Variants in NOVA1 observed in about 807,000 individuals in gnomAD.
NOVA1 encodes RNA-binding protein Nova-1.
Under a neutral mutation model 38.0 loss-of-function variants are expected in NOVA1, and 7 were observed. That is an observed-to-expected ratio of 0.18 (90% CI 0.10 to 0.35). The LOEUF (loss-of-function observed/expected upper bound fraction) is 0.35, where lower values mean the gene tolerates loss of function less well. NOVA1 is among the 10% of genes least tolerant of loss of function. The pLI, the probability that NOVA1 is intolerant of heterozygous loss-of-function variation, is 1.00. For synonymous variants in NOVA1, 270 were observed against 232.5 expected, an observed-to-expected ratio of 1.16 and a Z score of -1.47; for missense variants, 460 against 616.0, an observed-to-expected ratio of 0.75 and a Z score of 2.68.
At chr14:26,458,889 T>C (rs1481812068) in intron 4 of NOVA1, among the ~76,000 whole-genome samples, 1 of 152,126 alleles carries the variant, frequency 6.6e-6, no homozygotes, top group African/African-American at 2.4e-5. Context: ...AACATGTTAG[T>C]GTTTTAAGCT....
In NOVA1 at chr14:26,498,756, T is replaced by C. The variant is rs377394784; in HGVS notation, c.281-18613A>G. Among the ~76,000 whole-genome samples, 6 of 152,328 alleles carry C rather than the reference T, an allele frequency of 3.9e-5. No individual in the cohort carries two copies. The East Asian group carries it at 5.8e-4, about 15-fold the overall frequency. ...AGACCTACAAAAGTGTACTGAAGCA[T>C]TGGTTCTGAGAATATTAAAGAACAT... On this transcript the variant is annotated intron_variant, in intron 2 of 4. Transcript: ENST00000539517.
At chr14:26,524,594 T>C (rs1046518096) in intron 2 of NOVA1, among the ~76,000 whole-genome samples, 2 of 152,192 alleles carry the variant, frequency 1.3e-5, no homozygotes, top group Non-Finnish European at 2.9e-5. Flanking sequence ...CAACATGACC[T>C]AGCAGTCTAT....
intron 2 of NOVA1, among the ~76,000 whole-genome samples, chr14:26,532,666 A>G (rs953041375): frequency 5.9e-5 from 9 of 152,160 alleles, no homozygotes; most frequent in African/African-American, 2.2e-4. Context: ...GATGTATGTA[A>G]TGGGCAGATA....
At chr14:26,512,811 C>T (rs60739386) in intron 2 of NOVA1, among the ~76,000 whole-genome samples, 251 of 140,526 alleles carry the variant, frequency 1.8e-3, no homozygotes, top group African/African-American at 5.8e-3. Context: ...TGCTACAAAA[C>T]GCACAACTTC....
intron 2 of NOVA1, among the ~76,000 whole-genome samples, chr14:26,493,454 A>G (rs1182780355): frequency 1.3e-5 from 2 of 152,218 alleles, no homozygotes; most frequent in African/African-American, 4.8e-5. Flanking sequence ...CTGAATTATT[A>G]AAATGCTATA....
At chr14:26,565,643 C>T (rs1253707822) in intron 2 of NOVA1, among the ~76,000 whole-genome samples, 1 of 152,074 alleles carries the variant, frequency 6.6e-6, no homozygotes, top group Non-Finnish European at 1.5e-5. Context: ...GTAATCTAGC[C>T]ATTAGCACTG....
chr14:26,583,189 G>T (rs1282302942), intron 2 of NOVA1, among the ~76,000 whole-genome samples: 1 of 151,572 alleles, frequency 6.6e-6, no homozygotes, highest in Non-Finnish European at 1.5e-5. Context: ...TTTAAAGGCA[G>T]AAACAGTAAA....
intron 2 of NOVA1, among the ~76,000 whole-genome samples, chr14:26,482,014 A>AAAAAC (rs1566463482): frequency 7.5e-6 from 1 of 133,996 alleles, no homozygotes; most frequent in African/African-American, 2.6e-5. Flanking sequence ...AAAAAAAAAA[A>AAAAAC]CATGGCTCTA....
At chr14:26,529,322 G>T (rs1055651864) in intron 2 of NOVA1, among the ~76,000 whole-genome samples, 1 of 151,958 alleles carries the variant, frequency 6.6e-6, no homozygotes, top group African/African-American at 2.4e-5. Context: ...ATTTTTAGTA[G>T]AGACGGGGTT....
intron 2 of NOVA1, among the ~76,000 whole-genome samples, chr14:26,532,242 C>T (rs1889768776): frequency 6.6e-6 from 1 of 152,074 alleles, no homozygotes; most frequent in Non-Finnish European, 1.5e-5. Flanking sequence ...CTCAAATATT[C>T]ATAGCAATTT....
chr14:26,522,298 T>C (rs934540576), intron 2 of NOVA1, among the ~76,000 whole-genome samples: 9 of 152,262 alleles, frequency 5.9e-5, no homozygotes, highest in African/African-American at 2.2e-4. Flanking sequence ...TGAACTGCAC[T>C]GAGGTCTGAA....
At chr14:26,551,995 C>A (rs1320125124) in intron 2 of NOVA1, among the ~76,000 whole-genome samples, 1 of 151,964 alleles carries the variant, frequency 6.6e-6, no homozygotes, top group African/African-American at 2.4e-5. Context: ...CAAGTAAATT[C>A]TTAACAAATC....
intron 2 of NOVA1, among the ~76,000 whole-genome samples, chr14:26,513,008 C>T (rs1347682776): frequency 6.7e-6 from 1 of 150,054 alleles, no homozygotes; most frequent in Admixed American, 6.6e-5. Context: ...CCTTCAACAT[C>T]TAGAAATGTA....
At position 26,448,220 on chromosome 14, in the gene NOVA1, C is replaced by G. The variant is rs1594308116; in HGVS notation, c.1263G>C (p.Lys421Asn). 6.2e-7 allele frequency: 1 copy of G among 1,614,222 alleles called. No individual in the cohort carries two copies. Among genetic ancestry groups the G allele is most frequent in the East Asian group, 2.2e-5 (1 of 44,882 alleles). Residue 421 changes from lysine to asparagine, a missense_variant, in exon 5 of 5, where the codon AAG becomes AAC. By Grantham distance (94) the Lys-to-Asn change is moderately conservative. Coordinates refer to ENST00000539517, the MANE Select transcript of NOVA1 (RefSeq NM_002515.3). The surrounding 1 kb of genome is among the most constrained non-coding windows in gnomAD (Gnocchi z 5.3). ...LGTEKSTDGSKDVVEIAVPEN... is the reference protein window; with the variant it reads ...LGTEKSTDGSNDVVEIAVPEN... ...CTGGCACTGCTATTTCAACTACATC[C>G]TTGGATCCATCTGTGGACTTTTCTG... is the stretch of plus-strand genomic sequence containing the variant.
In NOVA1 at chr14:26,446,241, T is replaced by A. The variant is rs1364942168; in HGVS notation, c.*1718A>T. The A allele has an allele frequency of 6.6e-6, 1 of 152,524 alleles. No individual in the cohort carries two copies. Among genetic ancestry groups the A allele is most frequent in the Non-Finnish European group, 1.5e-5 (1 of 68,008 alleles). 9.4% of individuals were successfully genotyped at this position (152,524 alleles called of 1,614,324 possible). A position where few individuals can be genotyped will look rare whatever the true frequency, so the allele number is the denominator to read the frequency against. ...AAGGGGAAGGGATCAGGAAATAATT[T>A]CAAGTTCTCAATGTCCAAAAGTAAA... is the stretch of plus-strand genomic sequence containing the variant. On this transcript the variant is annotated 3_prime_UTR_variant, in exon 5 of 5. Coordinates refer to ENST00000539517, the MANE Select transcript of NOVA1 (RefSeq NM_002515.3).
chr14:26,463,082 T>A (rs1338048901), intron 4 of NOVA1, among the ~76,000 whole-genome samples: 3 of 152,168 alleles, frequency 2.0e-5, no homozygotes, highest in African/African-American at 7.2e-5. Context: ...TTTATGCAGA[T>A]CTAACTCAGC....
intron 2 of NOVA1, among the ~76,000 whole-genome samples, chr14:26,576,348 T>C (rs910118738): frequency 1.3e-5 from 2 of 151,582 alleles, no homozygotes; most frequent in African/African-American, 4.8e-5. Flanking sequence ...CGCATATACA[T>C]AGTGAAATGA....
chr14:26,589,404 A>G (rs1223220533), intron 2 of NOVA1, among the ~76,000 whole-genome samples: 11 of 151,734 alleles, frequency 7.2e-5, no homozygotes, highest in African/African-American at 1.9e-4. Flanking sequence ...ATTTTTTGAG[A>G]TTTTGACTAA....
In NOVA1 at chr14:26,534,188, T is replaced by A. The variant is rs142701411; in HGVS notation, c.281-54045A>T. On this transcript the variant is annotated intron_variant, in intron 2 of 4. Coordinates refer to ENST00000539517, the MANE Select transcript of NOVA1 (RefSeq NM_002515.3). ...AAAATCATAACTAAATATAAGCAAC[T>A]TAAATCCATCTGTATATTGAAAAAC... is the stretch of plus-strand genomic sequence containing the variant. Among the ~76,000 whole-genome samples the A allele has an allele frequency of 3.5e-3, 532 of 152,246 alleles. 10 individuals carry two copies. In the East Asian group the frequency reaches 0.071, roughly 20 times the overall value.
Sources: gnomAD v4.1 joint callset for allele counts (sites outside exome capture counted in the v4.1 genomes callset) on GRCh38, gnomAD v4.1.1 for gene constraint, Gnocchi (gnomAD v3.1) non-coding constraint, MANE v1.5 for transcripts, NCBI Gene and HGNC (gene_info 2026-07-23, HGNC 2026-07-21) for gene names.